The following CDH13 variants were observed in gnomAD, a reference collection of about 807,000 sequenced individuals.
CDH13 encodes cadherin-13.
Under a neutral mutation model 63.8 loss-of-function variants are expected in CDH13, and 24 were observed. The ratio of observed to expected loss-of-function variants is 0.38; its 90% CI spans 0.27 to 0.53. The LOEUF (loss-of-function observed/expected upper bound fraction) is 0.53. Among genes scored for constraint, CDH13 ranks in the 20% least tolerant of loss-of-function variants. The probability of loss-of-function intolerance (pLI) is 0.85; values close to 1 mark genes in which losing one functional copy is unlikely to be tolerated. For missense variants in CDH13, 1,049 were observed against 903.1 expected (o/e 1.16, Z -2.07); for synonymous variants, 503 against 355.3 (o/e 1.42, Z -4.67).
chr16:83,459,362 C>T (rs2073113654), intron 6 of CDH13, among the ~76,000 whole-genome samples: 1 of 152,182 alleles, frequency 6.6e-6, no homozygotes, highest in South Asian at 2.1e-4. Flanking sequence ...CGGACAGAAA[C>T]ACATGACTAT....
chr16:82,718,320 G>T (rs947339439), intron 1 of CDH13, among the ~76,000 whole-genome samples: 3 of 152,152 alleles, frequency 2.0e-5, no homozygotes, highest in Non-Finnish European at 4.4e-5. Flanking sequence ...CGAGTCACAG[G>T]TATTCCCAGT....
At chr16:82,681,700 T>G (rs1446512131) in intron 1 of CDH13, among the ~76,000 whole-genome samples, 3 of 152,220 alleles carry the variant, frequency 2.0e-5, no homozygotes, top group African/African-American at 4.8e-5. Context: ...AGCCAGCGCC[T>G]GCCTGTGTTT....
rs147507992 is a variant in CDH13 at position 83,248,263 on chromosome 16, C to T, written c.636+30766C>T. ...AGAGAATAGTGTGCATGAGCTCACGCGTGGGTGAGAAGAAGGAGAAACAGA... is the reference window on the plus strand; with the variant it reads ...AGAGAATAGTGTGCATGAGCTCACGTGTGGGTGAGAAGAAGGAGAAACAGA... On this transcript the variant is annotated intron_variant, in intron 5 of 13. Transcript: ENST00000567109. Among the ~76,000 whole-genome samples, 561 of 152,114 alleles carry T rather than the reference C, an allele frequency of 3.7e-3. 5 individuals carry two copies. Among genetic ancestry groups the T allele is most frequent in the African/African-American group, 0.012 (512 of 41,466 alleles).
chr16:83,608,374 C>A (rs1908543043), intron 8 of CDH13, among the ~76,000 whole-genome samples: 1 of 152,196 alleles, frequency 6.6e-6, no homozygotes, highest in Admixed American at 6.5e-5. Flanking sequence ...AAATTCACAT[C>A]AGGTTATCAA....
intron 1 of CDH13, chr16:82,639,499 A>G: frequency 7.1e-7 from 1 of 1,399,624 alleles, no homozygotes; most frequent in East Asian, 2.5e-5. Context: ...GTGTGGCTGG[A>G]TGGAATTCTT....
chr16:83,675,194 T>C (rs1914853741), intron 9 of CDH13, among the ~76,000 whole-genome samples: 1 of 152,188 alleles, frequency 6.6e-6, no homozygotes, highest in Non-Finnish European at 1.5e-5. Flanking sequence ...TTGTGTGCTT[T>C]GTGAGATCTT....
At chr16:83,666,828 C>T (rs78853273) in intron 8 of CDH13, among the ~76,000 whole-genome samples, 1 of 85,658 alleles carries the variant, frequency 1.2e-5, no homozygotes, top group Non-Finnish European at 2.5e-5. Flanking sequence ...CACATACACA[C>T]ACACACATAC....
At chr16:83,099,619 G>C (rs4405539) in intron 3 of CDH13, among the ~76,000 whole-genome samples, 5,466 of 113,910 alleles carry the variant, frequency 0.048, 3 homozygotes, top group East Asian at 0.16. Context: ...CCACCGTGCC[G>C]GGCCTCTACA....
At chr16:83,053,365 G>A (rs2030588681) in intron 3 of CDH13, among the ~76,000 whole-genome samples, 1 of 152,128 alleles carries the variant, frequency 6.6e-6, no homozygotes, top group African/African-American at 2.4e-5. Context: ...CTTTCTATAT[G>A]TCTTCATTTT....
At chr16:83,101,308 G>A (rs2034467602) in intron 3 of CDH13, among the ~76,000 whole-genome samples, 1 of 149,814 alleles carries the variant, frequency 6.7e-6, no homozygotes, top group Admixed American at 6.7e-5. Flanking sequence ...ATTATATATA[G>A]TGTATTGTAT....
At chr16:83,421,693 G>T (rs762381365) in intron 6 of CDH13, among the ~76,000 whole-genome samples, 2 of 152,218 alleles carry the variant, frequency 1.3e-5, no homozygotes, top group Non-Finnish European at 2.9e-5. Flanking sequence ...GGAGACTAAT[G>T]AAGTATTTGG....
intron 2 of CDH13, among the ~76,000 whole-genome samples, chr16:82,881,136 T>A (rs183274934): frequency 6.8e-4 from 104 of 152,294 alleles, no homozygotes; most frequent in Admixed American, 1.6e-3. Flanking sequence ...GGAAAAGGCA[T>A]ATAGCAAAGG....
At chr16:83,464,007 G>A (rs1267779471) in intron 6 of CDH13, among the ~76,000 whole-genome samples, 1 of 152,084 alleles carries the variant, frequency 6.6e-6, no homozygotes, top group African/African-American at 2.4e-5. Context: ...AGTGGGAGAG[G>A]GTGAGAAAGA....
At chr16:83,017,589 G>A (rs1914929880) in intron 2 of CDH13, among the ~76,000 whole-genome samples, 1 of 152,186 alleles carries the variant, frequency 6.6e-6, no homozygotes, top group Admixed American at 6.5e-5. Flanking sequence ...AGAATTGAAA[G>A]AAATAATGTT....
chr16:83,192,813 A>C (rs950357331), intron 4 of CDH13, among the ~76,000 whole-genome samples: 5 of 152,016 alleles, frequency 3.3e-5, no homozygotes, highest in Admixed American at 2.0e-4. Context: ...CTGCCCCCTA[A>C]GTGTGGGTGG....
At position 82,853,588 on chromosome 16, in the gene CDH13, G is replaced by A. The variant is rs947618515; in HGVS notation, c.46-4774G>A. 3.3e-5 allele frequency among the ~76,000 whole-genome samples: 5 copies of A among 152,194 alleles called. No homozygotes were observed. The East Asian group carries it at 5.8e-4, about 18-fold the overall frequency. On this transcript the variant is annotated intron_variant, in intron 1 of 13. Coordinates refer to ENST00000567109, the MANE Select transcript of CDH13 (RefSeq NM_001257.5). The stretch of plus-strand genomic sequence containing the variant: ...GCCCAAGGATAGCCCGCTGGTAAAC[G>A]AGATTCACACTGAACCAACGTGGCT...
At chr16:82,971,128 C>T (rs1313076084) in intron 2 of CDH13, among the ~76,000 whole-genome samples, 2 of 152,180 alleles carry the variant, frequency 1.3e-5, no homozygotes, top group Non-Finnish European at 2.9e-5. Context: ...CCAGCAGGAG[C>T]AGGTGCATAA....
chr16:82,969,832 C>T (rs1292226569), intron 2 of CDH13, among the ~76,000 whole-genome samples: 1 of 152,138 alleles, frequency 6.6e-6, no homozygotes. Flanking sequence ...AACAAGATGG[C>T]TAGCAAACTC....
intron 4 of CDH13, among the ~76,000 whole-genome samples, chr16:83,198,220 A>G (rs956860064): frequency 6.6e-6 from 1 of 152,120 alleles, no homozygotes; most frequent in Admixed American, 6.6e-5. Flanking sequence ...CCCATTGCCA[A>G]GTACAACAAT....
Sources: allele counts gnomAD v4.1 joint callset (sites outside exome capture counted in the v4.1 genomes callset), GRCh38; gene constraint gnomAD v4.1.1; transcripts MANE v1.5; gene names NCBI Gene and HGNC (gene_info 2026-07-23, HGNC 2026-07-21).